CLVS1: variants seen among roughly 807,000 people sequenced by gnomAD.
CLVS1 encodes the protein clavesin 1, also known as clavesin-1.
A neutral mutation model predicts 33.1 loss-of-function variants in CLVS1; 10 were observed. That is an observed-to-expected ratio of 0.30 (90% CI 0.19 to 0.51). The LOEUF is 0.51. CLVS1 is among the 20% of genes least tolerant of loss of function. CLVS1 has a pLI of 0.97. For synonymous variants in CLVS1, 163 were observed against 166.1 expected (o/e 0.98, Z 0.14); for missense variants, 343 against 433.4 (o/e 0.79, Z 1.85).
At chr8:61,307,405 A>G (rs1476237502) in intron 2 of CLVS1, among the ~76,000 whole-genome samples, 3 of 152,174 alleles carry the variant, frequency 2.0e-5, no homozygotes, top group Non-Finnish European at 4.4e-5. Context: ...AAGAAGGCCA[A>G]GGATCCAGGA....
intron 2 of CLVS1, among the ~76,000 whole-genome samples, chr8:61,302,953 C>A (rs1261187244): frequency 6.6e-6 from 1 of 152,166 alleles, no homozygotes; most frequent in Admixed American, 6.5e-5. Context: ...TGTCACCAGA[C>A]AGCACTAGGG....
intron 2 of CLVS1, among the ~76,000 whole-genome samples, chr8:61,332,177 G>A (rs1371038073): frequency 6.6e-6 from 1 of 152,178 alleles, no homozygotes; most frequent in African/African-American, 2.4e-5. Context: ...GAAGGGAGCA[G>A]GTGGTTTCTC....
chr8:61,088,087 T>C (rs1006937012), intron 1 of CLVS1, among the ~76,000 whole-genome samples: 1 of 152,260 alleles, frequency 6.6e-6, no homozygotes, highest in African/African-American at 2.4e-5. Context: ...ACTATATGTA[T>C]GCATTTTTCA....
chr8:61,416,238 C>G (rs1246216887), intron 3 of CLVS1, among the ~76,000 whole-genome samples: 1 of 151,878 alleles, frequency 6.6e-6, no homozygotes, highest in Non-Finnish European at 1.5e-5. Flanking sequence ...CATTTTTTCC[C>G]TAGATTTCAA....
intron 3 of CLVS1, among the ~76,000 whole-genome samples, chr8:61,409,186 A>G (rs867636350): frequency 1.3e-5 from 2 of 152,262 alleles, no homozygotes; most frequent in South Asian, 2.1e-4. Flanking sequence ...TAGGTAATCC[A>G]TTCACAAGGC....
chr8:61,005,402 C>A, the CLVS1 span, among the ~76,000 whole-genome samples: 1 of 147,348 alleles, frequency 6.8e-6, no homozygotes, highest in African/African-American at 2.5e-5. Flanking sequence ...TTCAAGGGAA[C>A]AACAGGGTGG....
At chr8:61,005,651 C>T in the CLVS1 span, among the ~76,000 whole-genome samples, 3 of 152,112 alleles carry the variant, frequency 2.0e-5, no homozygotes, top group Non-Finnish European at 4.4e-5. Flanking sequence ...GGAGGCTGAG[C>T]GCTACTTTGG....
Position 61,447,487 on chromosome 8 carries a change from T to A in CLVS1, c.631-6654T>A, listed in dbSNP as rs571190227. 9.5e-4 allele frequency among the ~76,000 whole-genome samples: 144 copies of A among 152,056 alleles called. 1 individual carries two copies. The highest frequency in any genetic ancestry group is 1.7e-3 in the South Asian group (8 of 4,826). ...TCTTTCCTGCCTTCTTCTGGGTTAC[T>A]TGTACTTCCTTTTCAAATTGTTTTT... On this transcript the variant is annotated intron_variant, in intron 3 of 5. Transcript: ENST00000325897.
At chr8:61,097,269 G>A (rs918735496) in intron 1 of CLVS1, among the ~76,000 whole-genome samples, 21 of 151,192 alleles carry the variant, frequency 1.4e-4, no homozygotes, top group Non-Finnish European at 2.2e-4. Flanking sequence ...TCCAGCCAGG[G>A]TAACAGAGTG....
chr8:61,365,412 G>C (rs555049206), intron 2 of CLVS1, among the ~76,000 whole-genome samples: 1 of 151,896 alleles, frequency 6.6e-6, no homozygotes, highest in African/African-American at 2.4e-5. Flanking sequence ...CTGTAATCCC[G>C]GCTACTCGGG....
At chr8:61,414,770 C>T (rs1815365598) in intron 3 of CLVS1, among the ~76,000 whole-genome samples, 1 of 152,206 alleles carries the variant, frequency 6.6e-6, no homozygotes, top group Non-Finnish European at 1.5e-5. Flanking sequence ...CAGGCACAAA[C>T]CCTCACTGAT....
chr8:61,111,679 C>T (rs1422038588), intron 1 of CLVS1, among the ~76,000 whole-genome samples: 1 of 152,098 alleles, frequency 6.6e-6, no homozygotes, highest in Non-Finnish European at 1.5e-5. Context: ...CTGCCTAGCT[C>T]TCTGCTATTA....
chr8:61,251,210 G>A (rs2931282), intron 2 of CLVS1, among the ~76,000 whole-genome samples: 101,715 of 152,038 alleles, frequency 0.67, 36,743 homozygotes, highest in East Asian at 0.97. Flanking sequence ...TATGTGATGG[G>A]TTATGTTTAT....
chr8:61,005,585 T>A, the CLVS1 span, among the ~76,000 whole-genome samples: 1 of 152,176 alleles, frequency 6.6e-6, no homozygotes, highest in Non-Finnish European at 1.5e-5. Context: ...AAAAAGGTTA[T>A]TCAACGCTTC....
intron 1 of CLVS1, among the ~76,000 whole-genome samples, chr8:61,065,881 A>T (rs1056444640): frequency 6.6e-6 from 1 of 152,222 alleles, no homozygotes; most frequent in East Asian, 1.9e-4. Context: ...CAGTATAAAA[A>T]TGATTAATAG....
chr8:61,413,630 C>T (rs12677689), intron 3 of CLVS1, among the ~76,000 whole-genome samples: 2 of 152,208 alleles, frequency 1.3e-5, no homozygotes, highest in Non-Finnish European at 2.9e-5. Context: ...ACACCCTCCC[C>T]TTAACAACCT....
intron 1 of CLVS1, among the ~76,000 whole-genome samples, chr8:61,060,551 T>C (rs1008226495): frequency 1.3e-5 from 2 of 152,208 alleles, no homozygotes; most frequent in Admixed American, 1.3e-4. Context: ...TAACATGAAC[T>C]GCACTTTAAC....
At chr8:61,313,394 G>A (rs1486603166) in intron 2 of CLVS1, among the ~76,000 whole-genome samples, 1 of 152,164 alleles carries the variant, frequency 6.6e-6, no homozygotes, top group African/African-American at 2.4e-5. Context: ...GAGGAGGTGG[G>A]CTGAGGCTGG....
rs1294453632 is a variant in CLVS1, at chr8:61,376,589, T to C, written c.456-16T>C. On this transcript the variant is annotated splice_polypyrimidine_tract_variant and intron_variant, in intron 2 of 5. Transcript: ENST00000325897. Reference sequence around the variant, plus strand: ...CTCATATTCACACACAGCTCTCCTTTCTGCTCTGGCTGCAGGAACTCCTTC... The same window carrying C: ...CTCATATTCACACACAGCTCTCCTTCCTGCTCTGGCTGCAGGAACTCCTTC... The C allele has an allele frequency of 1.2e-6, 2 of 1,610,898 alleles. No homozygotes were observed. Among genetic ancestry groups the C allele is most frequent in the African/African-American group, 2.7e-5 (2 of 74,866 alleles).
Sources: allele counts gnomAD v4.1 joint callset (sites outside exome capture counted in the v4.1 genomes callset), GRCh38; gene constraint gnomAD v4.1.1; transcripts MANE v1.5; gene names NCBI Gene and HGNC (gene_info 2026-07-23, HGNC 2026-07-21).